The following COL19A1 variants were observed in gnomAD, a reference collection of about 807,000 sequenced individuals.
The protein encoded by COL19A1 is collagen type XIX alpha 1 chain.
Under a neutral mutation model 190.2 loss-of-function variants are expected in COL19A1, and 159 were observed. The ratio of observed to expected loss-of-function variants is 0.84; its 90% confidence interval spans 0.73 to 0.95. COL19A1 has a LOEUF of 0.95. Ranked by LOEUF, COL19A1 falls within the 40% of genes least tolerant of loss-of-function variation. The probability of loss-of-function intolerance (pLI) is 0.00; values close to 1 mark genes in which losing one functional copy is unlikely to be tolerated. For synonymous variants in COL19A1, 509 were observed against 458.9 expected, an observed-to-expected ratio of 1.11 and a Z score of -1.39; for missense variants, 1,418 against 1,431.9, an observed-to-expected ratio of 0.99 and a Z score of 0.16.
intron 9 of COL19A1, among the ~76,000 whole-genome samples, chr6:69,946,529 G>A (rs1020228625): frequency 9.2e-5 from 14 of 151,816 alleles, no homozygotes; most frequent in African/African-American, 2.9e-4. Flanking sequence ...AGATATTTAC[G>A]AATTACTGAT....
At chr6:70,063,708 A>C (rs1324684929) in intron 14 of COL19A1, among the ~76,000 whole-genome samples, 1 of 152,150 alleles carries the variant, frequency 6.6e-6, no homozygotes, top group Non-Finnish European at 1.5e-5. Flanking sequence ...TTTTTTGAAA[A>C]GATCAACAGA....
chr6:69,948,606 A>T (rs72914573), intron 9 of COL19A1, among the ~76,000 whole-genome samples: 1 of 151,936 alleles, frequency 6.6e-6, no homozygotes, highest in Non-Finnish European at 1.5e-5. Flanking sequence ...CAAGTCTAGA[A>T]AGTTAAGTAT....
At chr6:70,060,695 A>G (rs1310684085) in intron 14 of COL19A1, among the ~76,000 whole-genome samples, 3 of 152,168 alleles carry the variant, frequency 2.0e-5, no homozygotes, top group Non-Finnish European at 4.4e-5. Flanking sequence ...AGTTGCAGGA[A>G]AACAAGCTCA....
At chr6:70,082,851 A>G (rs1782347853) in intron 15 of COL19A1, among the ~76,000 whole-genome samples, 2 of 152,210 alleles carry the variant, frequency 1.3e-5, no homozygotes. Flanking sequence ...CACCTCAATC[A>G]TCAGGTCTAG....
intron 48 of COL19A1, among the ~76,000 whole-genome samples, chr6:70,197,264 C>G (rs1767265187): frequency 6.7e-6 from 1 of 149,838 alleles, no homozygotes; most frequent in Admixed American, 6.7e-5. Flanking sequence ...ACTAAAGATA[C>G]AAAAAAAAAT....
intron 14 of COL19A1, among the ~76,000 whole-genome samples, chr6:70,062,693 A>T (rs1480114401): frequency 6.6e-6 from 1 of 152,178 alleles, no homozygotes; most frequent in Non-Finnish European, 1.5e-5. Context: ...GGCAAATTGG[A>T]TAAAGAGTCA....
intron 12 of COL19A1, among the ~76,000 whole-genome samples, chr6:70,027,801 A>C (rs1252935213): frequency 1.3e-5 from 2 of 152,196 alleles, no homozygotes; most frequent in Non-Finnish European, 2.9e-5. Flanking sequence ...GCCTAATACA[A>C]GATATATTTA....
At chr6:70,052,850 G>A (rs1275299231) in intron 14 of COL19A1, among the ~76,000 whole-genome samples, 1 of 152,152 alleles carries the variant, frequency 6.6e-6, no homozygotes, top group Non-Finnish European at 1.5e-5. Flanking sequence ...CTTGCTTTAA[G>A]AGCTCAGCTC....
At chr6:70,039,824 C>T (rs568598460) in intron 14 of COL19A1, among the ~76,000 whole-genome samples, 1 of 151,486 alleles carries the variant, frequency 6.6e-6, no homozygotes, top group Non-Finnish European at 1.5e-5. Context: ...GTGCAGTAGC[C>T]CCATCACAGC....
intron 44 of COL19A1, 21 bp downstream of exon 44, chr6:70,180,544 A>C: frequency 8.7e-6 from 14 of 1,610,998 alleles, no homozygotes; most frequent in Non-Finnish European, 1.1e-5. Flanking sequence ...CTTACTACTT[A>C]AAATATGCCA....
chr6:70,027,361 T>C lies in COL19A1; in HGVS notation c.1080+3681T>C, dbSNP rs368614824. Among the ~76,000 whole-genome samples the C allele has an allele frequency of 1.6e-3, 238 of 152,280 alleles. 2 individuals carry two copies. Among genetic ancestry groups the C allele is most frequent in the South Asian group, 0.011 (51 of 4,824 alleles). On this transcript the variant is annotated intron_variant, in intron 12 of 50. Transcript: ENST00000620364. ...GTGTAAACTTTAATTTAAAGGGTAG[T>C]ATGTAGCAATTCAGTCTTTCTCAAT...
At chr6:69,910,978 T>C (rs760132163) in intron 4 of COL19A1, among the ~76,000 whole-genome samples, 30 of 152,324 alleles carry the variant, frequency 2.0e-4, no homozygotes, top group Non-Finnish European at 3.5e-4. Context: ...ATTTATGAAT[T>C]AGAGAATTGA....
chr6:69,900,296 C>T lies in COL19A1; in HGVS notation c.224C>T (p.Thr75Ile), dbSNP rs1356163772. The T allele has an allele frequency of 6.3e-7, 1 of 1,594,290 alleles. No individual in the cohort carries two copies. Among genetic ancestry groups the T allele is most frequent in the East Asian group, 2.3e-5 (1 of 44,012 alleles). The part of the protein sequence containing the change: ...LRRAFCESDK[T>I]CFKLGSALLI... ...CGTGCATTTTGTGAAAGTGATAAAA[C>T]CTGTTTCAAATTGGGAAGTGCACTT... Residue 75 changes from threonine to isoleucine, a missense_variant, in exon 4 of 51, where the codon ACC (threonine) becomes ATC (isoleucine). Coordinates refer to ENST00000620364, the MANE Select transcript of COL19A1 (RefSeq NM_001858.6).
chr6:70,083,983 T>C (rs989833194), intron 15 of COL19A1, among the ~76,000 whole-genome samples: 1 of 152,108 alleles, frequency 6.6e-6, no homozygotes, highest in South Asian at 2.1e-4. Context: ...TTCAACCTTT[T>C]TTCCCCCCGG....
chr6:69,890,914 T>C, intron 2 of COL19A1: 1 of 180,560 alleles, frequency 5.5e-6, no homozygotes, highest in East Asian at 1.4e-4. Context: ...AGGATAAGGA[T>C]GAAGACTGAT....
At chr6:69,894,482 G>T (rs1456591388) in intron 2 of COL19A1, among the ~76,000 whole-genome samples, 7 of 152,190 alleles carry the variant, frequency 4.6e-5, no homozygotes, top group Non-Finnish European at 7.3e-5. Flanking sequence ...AAAGATTAAA[G>T]TCATGTGAAC....
chr6:70,198,978 A>G (rs773316419), intron 48 of COL19A1, among the ~76,000 whole-genome samples: 19 of 152,196 alleles, frequency 1.2e-4, no homozygotes, highest in Non-Finnish European at 2.5e-4. Flanking sequence ...GGGCCTCTCC[A>G]CAGGACTTCT....
chr6:70,170,469 T>C (rs1765431599), intron 40 of COL19A1, among the ~76,000 whole-genome samples: 1 of 152,204 alleles, frequency 6.6e-6, no homozygotes, highest in South Asian at 2.1e-4. Context: ...TTACCCTTAA[T>C]TGAATTTATT....
rs1768232675 is a variant in COL19A1 at position 70,211,955 on chromosome 6, A to G, written c.*4681A>G. On this transcript the variant is annotated 3_prime_UTR_variant, in exon 51 of 51. Transcript: ENST00000620364. ...CAGATCCAATAGTGAGTGATGTGGT[A>G]CAACTGGAGGAGTTAGCTACTTGCT... Among the ~76,000 whole-genome samples, 2 of 152,196 alleles carry G rather than the reference A, an allele frequency of 1.3e-5. No individual in the cohort carries two copies. The highest frequency in any genetic ancestry group is 2.9e-5 in the Non-Finnish European group (2 of 68,022).
Sources: gnomAD v4.1 joint callset for allele counts (sites outside exome capture counted in the v4.1 genomes callset) on GRCh38, gnomAD v4.1.1 for gene constraint, MANE v1.5 for transcripts, NCBI Gene and HGNC (gene_info 2026-07-23, HGNC 2026-07-21) for gene names.